Variants in ARHGAP21 observed in about 807,000 individuals in gnomAD.
ARHGAP21 encodes the protein Rho GTPase activating protein 21.
In ARHGAP21, 38 loss-of-function variants were observed where a neutral mutation model predicts 164.6. The ratio of observed to expected loss-of-function variants is 0.23; its 90% CI spans 0.18 to 0.30. ARHGAP21 has a LOEUF of 0.30. Among genes scored for constraint, ARHGAP21 ranks in the 10% least tolerant of loss-of-function variants. The pLI is 1.00. For missense variants in ARHGAP21, 1,822 were observed against 2,370.7 expected, an observed-to-expected ratio of 0.77 and a Z score of 4.81; for synonymous variants, 766 against 857.9, an observed-to-expected ratio of 0.89 and a Z score of 1.87.
chr10:24,692,333 C>A (rs2132027199), intron 2 of ARHGAP21, among the ~76,000 whole-genome samples: 1 of 152,288 alleles, frequency 6.6e-6, no homozygotes, highest in South Asian at 2.1e-4. Context: ...TCGATGAAAA[C>A]ATCCATGGAA....
chr10:24,587,905 A>T (rs2076173812), intron 25 of ARHGAP21, among the ~76,000 whole-genome samples: 1 of 152,248 alleles, frequency 6.6e-6, no homozygotes, highest in Admixed American at 6.5e-5. Context: ...TTACAGGCAT[A>T]GCATAACACC....
At chr10:24,676,915 A>T (rs1162125560) in intron 2 of ARHGAP21, among the ~76,000 whole-genome samples, 1 of 152,210 alleles carries the variant, frequency 6.6e-6, no homozygotes, top group African/African-American at 2.4e-5. Context: ...AATAAATATT[A>T]ACTCCGGGCC....
Position 24,719,126 on chromosome 10 carries a change from CA to C in ARHGAP21, c.63+2710del, listed in dbSNP as rs1437028012. 1.1e-3 allele frequency among the ~76,000 whole-genome samples: 165 copies of C among 151,762 alleles called. 1 individual carries two copies. The East Asian group carries it at 0.011, about 10-fold the overall frequency. On this transcript the variant is annotated intron_variant, in intron 2 of 25. Coordinates refer to ENST00000396432, the MANE Select transcript of ARHGAP21 (RefSeq NM_020824.4). ...ACACACACACACACACACACACACA[CA>C]CACCCCAAAAATCACTTAAGAGGTT...
chr10:24,587,882 G>T (rs1252225825), intron 25 of ARHGAP21, among the ~76,000 whole-genome samples: 1 of 152,140 alleles, frequency 6.6e-6, no homozygotes, highest in African/African-American at 2.4e-5. Context: ...ATGTCATTGG[G>T]ATATCCACTA....
intron 2 of ARHGAP21, among the ~76,000 whole-genome samples, chr10:24,715,940 C>T (rs1245913402): frequency 1.3e-5 from 2 of 152,132 alleles, no homozygotes; most frequent in African/African-American, 2.4e-5. Flanking sequence ...GCCTGGGAGG[C>T]GGAGGTTGCT....
Position 24,620,438 on chromosome 10 carries a change from A to G in ARHGAP21, c.1457T>C (p.Val486Ala). Residue 486 changes from valine to alanine, a missense_variant, in exon 9 of 26, where the codon GTT becomes GCT. Val to Ala is a moderately conservative substitution (Grantham distance 64). Around this residue, in one of 5 missense-constraint regions of ARHGAP21, gnomAD observed 1,090 missense variants for 1,378.9 expected, o/e 0.79. Transcript: ENST00000396432. ...ACGAGTTCTATGATTACTAAAACTA[A>G]CAGATGGAGACGTCAGTGCTCCTTG... ...ASQGALTSPSVSFSNHRTRSW... is the reference protein window; with the variant it reads ...ASQGALTSPSASFSNHRTRSW... 1 of 1,609,854 alleles carries G rather than the reference A, an allele frequency of 6.2e-7. No individual in the cohort carries two copies. The highest frequency in any genetic ancestry group is 8.5e-7 in the Non-Finnish European group (1 of 1,176,594).
chr10:24,655,929 G>A (rs1332739735), intron 4 of ARHGAP21, among the ~76,000 whole-genome samples: 11 of 108,864 alleles, frequency 1.0e-4, no homozygotes, highest in Non-Finnish European at 1.3e-4. Flanking sequence ...GGTGAGGAGC[G>A]TCTCTGCCCG....
intron 7 of ARHGAP21, chr10:24,629,700 T>C (rs908422295): frequency 2.6e-6 from 1 of 378,316 alleles, no homozygotes; most frequent in African/African-American, 2.1e-5. Flanking sequence ...CTTCCTTTGG[T>C]CCAAGGATGA....
intron 3 of ARHGAP21, among the ~76,000 whole-genome samples, chr10:24,668,767 G>C (rs1752606603): frequency 6.6e-6 from 1 of 151,890 alleles, no homozygotes. Flanking sequence ...AATGTTAAGT[G>C]AGGGTTTATT....
intron 2 of ARHGAP21, among the ~76,000 whole-genome samples, chr10:24,702,712 A>G (rs949823435): frequency 1.3e-5 from 2 of 151,928 alleles, no homozygotes; most frequent in Non-Finnish European, 2.9e-5. Flanking sequence ...TCAGCCTCCC[A>G]AATATCTGGG....
intron 4 of ARHGAP21, among the ~76,000 whole-genome samples, chr10:24,642,408 G>A (rs867527326): frequency 6.6e-5 from 10 of 151,280 alleles, no homozygotes; most frequent in East Asian, 1.9e-4. Context: ...CCAGCTACTC[G>A]GGAGGCTGAG....
intron 2 of ARHGAP21, among the ~76,000 whole-genome samples, chr10:24,720,437 T>C (rs1054756853): frequency 1.3e-5 from 2 of 152,226 alleles, no homozygotes; most frequent in Non-Finnish European, 2.9e-5. Flanking sequence ...AAAGGAGTTA[T>C]TATGGTTTAC....
At chr10:24,678,040 C>T (rs1049808583) in intron 2 of ARHGAP21, among the ~76,000 whole-genome samples, 2 of 151,304 alleles carry the variant, frequency 1.3e-5, no homozygotes, top group South Asian at 2.1e-4. Flanking sequence ...GGTGGGAGGG[C>T]AGCTTGAGCC....
chr10:24,722,303 T>C (rs775958007), intron 1 of ARHGAP21, 24 bp from the exon 2 acceptor site: 10 of 191,330 alleles, frequency 5.2e-5, no homozygotes, highest in South Asian at 1.1e-4. Context: ...AAGTTAAAGG[T>C]CATGAACTTT....
intron 4 of ARHGAP21, among the ~76,000 whole-genome samples, chr10:24,637,834 T>C (rs1836537814): frequency 6.6e-6 from 1 of 152,048 alleles, no homozygotes; most frequent in Admixed American, 6.5e-5. Context: ...CTGTTACATC[T>C]GCTGAGAGTT....
At chr10:24,715,966 AC>A (rs1480665302) in intron 2 of ARHGAP21, among the ~76,000 whole-genome samples, 1 of 152,216 alleles carries the variant, frequency 6.6e-6, no homozygotes, top group Middle Eastern at 3.2e-3. Flanking sequence ...CGCAGATTGC[AC>A]CACTGCACTC....
chr10:24,685,300 T>C (rs1842112354), intron 2 of ARHGAP21, among the ~76,000 whole-genome samples: 1 of 152,218 alleles, frequency 6.6e-6, no homozygotes, highest in Non-Finnish European at 1.5e-5. Flanking sequence ...TCATATTTAG[T>C]ATAGGTCCAA....
At chr10:24,692,561 A>G (rs1270416433) in intron 2 of ARHGAP21, among the ~76,000 whole-genome samples, 1 of 152,214 alleles carries the variant, frequency 6.6e-6, no homozygotes, top group African/African-American at 2.4e-5. Context: ...ACCAGACTCC[A>G]TGGCTCACGC....
rs1454474630 is a variant in ARHGAP21, at chr10:24,623,632, G to A, written c.496-870C>T. 3.3e-5 allele frequency among the ~76,000 whole-genome samples: 5 copies of A among 152,126 alleles called. No homozygotes were observed. In the South Asian group the frequency reaches 1.0e-3, roughly 32 times the overall value. ...AATTGTGTCTGGATGAGAGAATACT[G>A]TACTGTCTGGTACAGCATTTCCCAC... On this transcript the variant is annotated intron_variant, in intron 7 of 25. Transcript: ENST00000396432.
Sources: gnomAD v4.1 joint callset for allele counts (sites outside exome capture counted in the v4.1 genomes callset) on GRCh38, gnomAD v4.1.1 for gene constraint, gnomAD v4.1.1 regional missense constraint, MANE v1.5 for transcripts, NCBI Gene and HGNC (gene_info 2026-07-23, HGNC 2026-07-21) for gene names.